Variants in BICD1 observed in about 807,000 individuals in gnomAD.
The protein encoded by BICD1 is BICD cargo adaptor 1.
Under a neutral mutation model 92.5 loss-of-function variants are expected in BICD1, and 35 were observed. The observed-to-expected ratio is 0.38, with a 90% CI of 0.29 to 0.50. The LOEUF is 0.50. Ranked by LOEUF, BICD1 falls within the 20% of genes least tolerant of loss-of-function variation. The probability of loss-of-function intolerance (pLI) is 0.93; values close to 1 mark genes in which losing one functional copy is unlikely to be tolerated. For missense variants in BICD1, 950 were observed against 1,189.8 expected, an observed-to-expected ratio of 0.80 and a Z score of 2.97; for synonymous variants, 429 against 465.1, an observed-to-expected ratio of 0.92 and a Z score of 1.00.
At chr12:32,292,394 C>T (rs566503706) in intron 2 of BICD1, among the ~76,000 whole-genome samples, 6 of 152,302 alleles carry the variant, frequency 3.9e-5, no homozygotes, top group Admixed American at 2.0e-4. Flanking sequence ...GCAGCCCTAT[C>T]GGATTGGGCC....
chr12:32,122,171 G>A (rs963381982), intron 1 of BICD1, among the ~76,000 whole-genome samples: 1 of 151,648 alleles, frequency 6.6e-6, no homozygotes, highest in African/African-American at 2.4e-5. Context: ...TTAAGGCTGG[G>A]CGCGCTGGCT....
At chr12:32,287,998 C>T (rs1947619769) in intron 2 of BICD1, among the ~76,000 whole-genome samples, 1 of 152,186 alleles carries the variant, frequency 6.6e-6, no homozygotes, top group Non-Finnish European at 1.5e-5. Flanking sequence ...TACCCTGGGG[C>T]TCTTCACATA....
At chr12:32,305,131 A>G (rs1018333738) in intron 3 of BICD1, among the ~76,000 whole-genome samples, 9 of 152,204 alleles carry the variant, frequency 5.9e-5, no homozygotes, top group African/African-American at 1.9e-4. Flanking sequence ...TAAGCACATA[A>G]CAATGATCTT....
chr12:32,240,336 A>G (rs73310739), intron 2 of BICD1, among the ~76,000 whole-genome samples: 11,335 of 151,916 alleles, frequency 0.075, 1,425 homozygotes, highest in African/African-American at 0.26. Flanking sequence ...GGTAATGTCA[A>G]GGTGTAGGGC....
At chr12:32,123,539 G>A (rs1942226744) in intron 1 of BICD1, among the ~76,000 whole-genome samples, 1 of 152,170 alleles carries the variant, frequency 6.6e-6, no homozygotes, top group Non-Finnish European at 1.5e-5. Flanking sequence ...TTATGGTATT[G>A]CACTGATTTA....
chr12:32,316,728 A>C, intron 4 of BICD1, among the ~76,000 whole-genome samples: 1 of 151,024 alleles, frequency 6.6e-6, no homozygotes, highest in East Asian at 1.9e-4. Context: ...ATTATACTTT[A>C]AGTTTTAGGG....
At chr12:32,351,142 T>A (rs1938851349) in intron 8 of BICD1, among the ~76,000 whole-genome samples, 1 of 149,292 alleles carries the variant, frequency 6.7e-6, no homozygotes, top group South Asian at 2.1e-4. Context: ...TAGATTAGAT[T>A]GTTACTCTTA....
rs547817070 is a variant in BICD1, at chr12:32,158,077, G to A, written c.213+50533G>A. Among the ~76,000 whole-genome samples, 448 of 150,640 alleles carry A rather than the reference G, an allele frequency of 3.0e-3. 2 individuals carry two copies. The highest frequency in any genetic ancestry group is 0.01 in the African/African-American group (415 of 41,082). On this transcript the variant is annotated intron_variant, in intron 1 of 9. Coordinates refer to ENST00000652176, the MANE Select transcript of BICD1 (RefSeq NM_001714.4). ...GCACTTTGGGAGGCTTACACAGGAC[G>A]ATAATTTGAGCCTAGGGGTTTTTTT...
chr12:32,165,394 T>C (rs1340413004), intron 1 of BICD1, among the ~76,000 whole-genome samples: 1 of 152,086 alleles, frequency 6.6e-6, no homozygotes, highest in African/African-American at 2.4e-5. Context: ...CGGGCGCTTG[T>C]AGTCCCAGCT....
intron 3 of BICD1, among the ~76,000 whole-genome samples, chr12:32,302,129 G>A (rs553975508): frequency 1.8e-3 from 271 of 152,098 alleles, no homozygotes; most frequent in South Asian, 4.0e-3. Context: ...CTCGTGATCC[G>A]CCCGCCTCAG....
chr12:32,351,164 T>TA (rs71445892), intron 8 of BICD1, among the ~76,000 whole-genome samples: 19,229 of 137,742 alleles, frequency 0.14, 1,685 homozygotes, highest in African/African-American at 0.26. Context: ...AATAATTACT[T>TA]AAAAAAAAAA....
Position 32,282,202 on chromosome 12 carries a change from C to CTTTTTTT in BICD1, c.427-11762_427-11756dup, listed in dbSNP as rs56217529. Among the ~76,000 whole-genome samples the CTTTTTTT allele has an allele frequency of 3.1e-4, 29 of 94,252 alleles. 3 individuals are homozygous for CTTTTTTT. The highest frequency in any genetic ancestry group is 5.2e-4 in the Admixed American group (4 of 7,742). 61.8% of individuals were successfully genotyped at this position (94,252 alleles called of 152,430 possible). ...GCAAGACCCAGCTTCAGGTCTTCTT[C>CTTTTTTT]TTTTTTTTTTTTTTTTTTTTTTTTT... On this transcript the variant is annotated intron_variant, in intron 2 of 9. Coordinates refer to ENST00000652176, the MANE Select transcript of BICD1 (RefSeq NM_001714.4).
chr12:32,358,669 G>A (rs1460731950), intron 8 of BICD1, among the ~76,000 whole-genome samples: 2 of 151,948 alleles, frequency 1.3e-5, no homozygotes, highest in East Asian at 2.0e-4. Flanking sequence ...CCCGGGAGGC[G>A]GAGGTTGCAG....
chr12:32,240,347 C>T (rs926220213), intron 2 of BICD1, among the ~76,000 whole-genome samples: 1 of 151,040 alleles, frequency 6.6e-6, no homozygotes, highest in African/African-American at 2.4e-5. Context: ...GGTGTAGGGC[C>T]ATACCCCCAG....
At chr12:32,112,664 C>T (rs1242196503) in intron 1 of BICD1, among the ~76,000 whole-genome samples, 2 of 151,998 alleles carry the variant, frequency 1.3e-5, no homozygotes, top group African/African-American at 4.8e-5. Context: ...TAATTCATTA[C>T]GCTAAAGGAG....
At chr12:32,111,731 C>T (rs528402155) in intron 1 of BICD1, among the ~76,000 whole-genome samples, 23 of 151,970 alleles carry the variant, frequency 1.5e-4, no homozygotes, top group African/African-American at 4.8e-4. Flanking sequence ...CCTCAGCCTC[C>T]GGAGTAGCTG....
chr12:32,115,591 G>A (rs1272144986), intron 1 of BICD1, among the ~76,000 whole-genome samples: 1 of 152,098 alleles, frequency 6.6e-6, no homozygotes. Flanking sequence ...GGTGACCCTG[G>A]GGATGTGGGA....
chr12:32,226,807 T>G (rs16916329), intron 2 of BICD1, among the ~76,000 whole-genome samples: 82,191 of 152,108 alleles, frequency 0.54, 22,672 homozygotes, highest in South Asian at 0.65. Flanking sequence ...CACTAGCAGG[T>G]AAGTACAGGG....
At chr12:32,300,124 CAG>C (rs1947993315) in intron 3 of BICD1, among the ~76,000 whole-genome samples, 1 of 151,090 alleles carries the variant, frequency 6.6e-6, no homozygotes, top group Non-Finnish European at 1.5e-5. Context: ...TTTTTTGAGA[CAG>C]AGGCTCGCTC....
Sources: gnomAD v4.1 joint callset for allele counts (sites outside exome capture counted in the v4.1 genomes callset) on GRCh38, gnomAD v4.1.1 for gene constraint, MANE v1.5 for transcripts, NCBI Gene and HGNC (gene_info 2026-07-23, HGNC 2026-07-21) for gene names.